MAF: variants seen among roughly 807,000 people sequenced by gnomAD.
The protein encoded by MAF is MAF bZIP transcription factor, also known as transcription factor Maf.
Under a neutral mutation model 22.0 loss-of-function variants are expected in MAF, and 10 were observed. The observed-to-expected ratio is 0.45, with a 90% CI of 0.28 to 0.77. MAF has a LOEUF of 0.77. Ranked by LOEUF, MAF falls within the 30% of genes least tolerant of loss-of-function variation. MAF has a pLI of 0.12. For synonymous variants in MAF, 337 were observed against 255.8 expected, an observed-to-expected ratio of 1.32 and a Z score of -3.03; for missense variants, 544 against 548.4, an observed-to-expected ratio of 0.99 and a Z score of 0.08.
At chr16:79,461,340 G>C in the MAF span, among the ~76,000 whole-genome samples, 1 of 152,158 alleles carries the variant, frequency 6.6e-6, no homozygotes, top group East Asian at 1.9e-4. Flanking sequence ...TCTATTGTGA[G>C]TATTTCTGCT....
chr16:79,363,270 C>T, the MAF span, among the ~76,000 whole-genome samples: 4 of 152,034 alleles, frequency 2.6e-5, no homozygotes, highest in Admixed American at 6.6e-5. Context: ...AAATACAGCT[C>T]CTTCTTGACT....
At chr16:79,532,887 A>G in the MAF span, among the ~76,000 whole-genome samples, 2 of 152,254 alleles carry the variant, frequency 1.3e-5, no homozygotes, top group Non-Finnish European at 2.9e-5. Context: ...AGCTTTGCAC[A>G]GTTAAAATAA....
the MAF span, among the ~76,000 whole-genome samples, chr16:79,339,297 G>A: frequency 1.3e-5 from 2 of 152,158 alleles, no homozygotes; most frequent in African/African-American, 4.8e-5. Flanking sequence ...CTGACCTCAT[G>A]ATCCGCCTGC....
chr16:79,211,341 GTATT>G, the MAF span, among the ~76,000 whole-genome samples: 9 of 152,150 alleles, frequency 5.9e-5, no homozygotes, highest in African/African-American at 2.2e-4. Flanking sequence ...ATTGATATGT[GTATT>G]TATTTTCCAA....
the MAF span, among the ~76,000 whole-genome samples, chr16:79,569,010 T>A: frequency 6.6e-6 from 1 of 152,190 alleles, no homozygotes; most frequent in Non-Finnish European, 1.5e-5. Context: ...AGCTAGAAGG[T>A]TAAGCATGTC....
At chr16:79,307,262 T>C in the MAF span, among the ~76,000 whole-genome samples, 1 of 152,214 alleles carries the variant, frequency 6.6e-6, no homozygotes. Flanking sequence ...GCTCCTGCCA[T>C]GAACTCGTAG....
At chr16:79,212,283 G>GAGCCAGCTTA in the MAF span, 1 of 1,165,858 alleles carries the variant, frequency 8.6e-7, no homozygotes, top group Non-Finnish European at 1.2e-6. Flanking sequence ...GACCAAGACT[G>GAGCCAGCTTA]AGCCAGCTTA....
chr16:79,562,235 T>C, the MAF span, among the ~76,000 whole-genome samples: 1 of 152,200 alleles, frequency 6.6e-6, no homozygotes, highest in South Asian at 2.1e-4. Context: ...GGCATAATTG[T>C]AATGAATTAC....
chr16:79,585,264 G>C (rs1567556394), downstream of MAF, among the ~76,000 whole-genome samples: 1 of 152,126 alleles, frequency 6.6e-6, no homozygotes, highest in Non-Finnish European at 1.5e-5. Context: ...TGAAAATCAG[G>C]TTTCTGCTTC....
chr16:79,520,557 T>C, the MAF span, among the ~76,000 whole-genome samples: 4 of 152,178 alleles, frequency 2.6e-5, no homozygotes, highest in Non-Finnish European at 5.9e-5. Context: ...TAAATAAATA[T>C]GGCTTCTCTT....
chr16:79,523,117 C>G, the MAF span, among the ~76,000 whole-genome samples: 1 of 152,288 alleles, frequency 6.6e-6, no homozygotes, highest in Non-Finnish European at 1.5e-5. Flanking sequence ...TGAGCTTTTT[C>G]TGATCCGTTG....
the MAF span, among the ~76,000 whole-genome samples, chr16:79,332,855 C>G: frequency 4.6e-5 from 7 of 152,222 alleles, no homozygotes; most frequent in African/African-American, 1.7e-4. Context: ...CCTTTACTAC[C>G]TGGAAGGGAA....
chr16:79,584,670 A>G (rs150610859), downstream of MAF, among the ~76,000 whole-genome samples: 177 of 152,350 alleles, frequency 1.2e-3, no homozygotes, highest in African/African-American at 3.8e-3. Flanking sequence ...GGCTGAGACA[A>G]TAAAGGAATA....
the MAF span, among the ~76,000 whole-genome samples, chr16:79,252,181 G>C: frequency 9.2e-5 from 14 of 152,310 alleles, no homozygotes; most frequent in East Asian, 2.5e-3. Context: ...TGTAGGCTTT[G>C]TGGGTCGTAC....
chr16:79,582,697 T>C (rs1371955772), downstream of MAF, among the ~76,000 whole-genome samples: 1 of 152,252 alleles, frequency 6.6e-6, no homozygotes. Flanking sequence ...AATAAAATGC[T>C]TTAAATGAAA....
At chr16:79,525,361 C>T in the MAF span, among the ~76,000 whole-genome samples, 10 of 152,266 alleles carry the variant, frequency 6.6e-5, no homozygotes, top group East Asian at 3.9e-4. Context: ...AATTAAAGCA[C>T]GGCTCTGTCC....
At chr16:79,513,261 A>G in the MAF span, among the ~76,000 whole-genome samples, 1 of 152,250 alleles carries the variant, frequency 6.6e-6, no homozygotes, top group Admixed American at 6.5e-5. Context: ...CAGTAGACGG[A>G]ACAGGTTTTA....
At chr16:79,553,403 T>A in the MAF span, among the ~76,000 whole-genome samples, 15 of 152,236 alleles carry the variant, frequency 9.9e-5, no homozygotes, top group African/African-American at 3.6e-4. Context: ...GAGGCAGCCC[T>A]GGAGGCTCCT....
At chr16:79,418,684 G>A in the MAF span, among the ~76,000 whole-genome samples, 1 of 152,172 alleles carries the variant, frequency 6.6e-6, no homozygotes, top group Non-Finnish European at 1.5e-5. Flanking sequence ...GTTCACATAT[G>A]GCAACATGAT....
Sources: gnomAD v4.1 joint callset for allele counts (sites outside exome capture counted in the v4.1 genomes callset) on GRCh38, gnomAD v4.1.1 for gene constraint, MANE v1.5 for transcripts, NCBI Gene and HGNC (gene_info 2026-07-23, HGNC 2026-07-21) for gene names.